RAB3C: variants seen among roughly 807,000 people sequenced by gnomAD.
RAB3C encodes the protein RAB3C, member RAS oncogene family.
A neutral mutation model predicts 26.4 loss-of-function variants in RAB3C; 17 were observed. The ratio of observed to expected loss-of-function variants is 0.64; its 90% CI spans 0.44 to 0.97. RAB3C has a LOEUF of 0.97. Among genes scored for constraint, RAB3C ranks in the 50% least tolerant of loss-of-function variants. The probability of loss-of-function intolerance (pLI) is 0.00; values close to 1 mark genes in which losing one functional copy is unlikely to be tolerated. For synonymous variants in RAB3C, 91 were observed against 95.9 expected (o/e 0.95, Z 0.30); for missense variants, 242 against 281.9 (o/e 0.86, Z 1.01).
intron 1 of RAB3C, among the ~76,000 whole-genome samples, chr5:58,617,295 TAA>T (rs1009546648): frequency 1.3e-5 from 2 of 152,174 alleles, no homozygotes; most frequent in African/African-American, 4.8e-5. Context: ...AGTAGGATTA[TAA>T]AGTTTCAGAG....
At chr5:58,653,994 T>G (rs1579839927) in intron 2 of RAB3C, among the ~76,000 whole-genome samples, 2 of 152,332 alleles carry the variant, frequency 1.3e-5, no homozygotes, top group East Asian at 3.9e-4. Flanking sequence ...ACCCCAGAAC[T>G]GAATCCCAAA....
intron 2 of RAB3C, among the ~76,000 whole-genome samples, chr5:58,642,222 G>A (rs1747426947): frequency 6.6e-6 from 1 of 152,216 alleles, no homozygotes; most frequent in Non-Finnish European, 1.5e-5. Context: ...AGAACCAAGT[G>A]AGACTTAAGC....
At chr5:58,736,893 G>A (rs376735988) in intron 3 of RAB3C, among the ~76,000 whole-genome samples, 86 of 152,174 alleles carry the variant, frequency 5.7e-4, no homozygotes, top group African/African-American at 1.8e-3. Flanking sequence ...GTCTTCCTGC[G>A]TTTACTACTG....
chr5:58,677,051 G>C (rs550660132), intron 2 of RAB3C, among the ~76,000 whole-genome samples: 2 of 152,224 alleles, frequency 1.3e-5, no homozygotes, highest in Non-Finnish European at 1.5e-5. Flanking sequence ...AAGCCTCTAG[G>C]GAAGGATCTC....
In RAB3C at chr5:58,681,567, T is replaced by C. The variant is rs566013219; in HGVS notation, c.253-44435T>C. On this transcript the variant is annotated intron_variant, in intron 2 of 4. Transcript: ENST00000282878. ...TTTTTACTTTTGCTGTTCTGTTACCTGCAGGAATAAGTTTATAGTTGTAAG... is the reference window on the plus strand; with the variant it reads ...TTTTTACTTTTGCTGTTCTGTTACCCGCAGGAATAAGTTTATAGTTGTAAG... 9.2e-5 allele frequency among the ~76,000 whole-genome samples: 14 copies of C among 152,344 alleles called. No homozygotes were observed. The South Asian group carries it at 2.9e-3, about 32-fold the overall frequency.
chr5:58,641,245 G>A (rs1056392887), intron 2 of RAB3C, among the ~76,000 whole-genome samples: 1 of 152,192 alleles, frequency 6.6e-6, no homozygotes, highest in African/African-American at 2.4e-5. Context: ...TAGAGTCTCT[G>A]TAAATGTGGT....
At chr5:58,835,542 C>T (rs1473010061) in intron 4 of RAB3C, among the ~76,000 whole-genome samples, 1 of 152,180 alleles carries the variant, frequency 6.6e-6, no homozygotes, top group South Asian at 2.1e-4. Context: ...AATTGTCTAG[C>T]CCTCATTTTT....
In RAB3C at chr5:58,657,387, GAA is replaced by G. The variant is rs34972833; in HGVS notation, c.252+39528_252+39529del. 1.2e-3 allele frequency among the ~76,000 whole-genome samples: 177 copies of G among 142,436 alleles called. 1 individual carries two copies. Among genetic ancestry groups the G allele is most frequent in the African/African-American group, 4.1e-3 (157 of 38,218 alleles). The allele number at this position is 142,436 out of a possible 152,430, so 93.4% of individuals were successfully genotyped here. On this transcript the variant is annotated intron_variant, in intron 2 of 4. Coordinates refer to ENST00000282878, the MANE Select transcript of RAB3C (RefSeq NM_138453.4). Reference sequence around the variant, plus strand: ...ACCACCTATACTCCAATAATTTATAGAAAAAAAAAAAAGGAAAGAGTATTCGG... The same window carrying G: ...ACCACCTATACTCCAATAATTTATAGAAAAAAAAAAGGAAAGAGTATTCGG...
intron 3 of RAB3C, among the ~76,000 whole-genome samples, chr5:58,811,762 T>G (rs112101000): frequency 1.3e-5 from 2 of 151,914 alleles, no homozygotes; most frequent in African/African-American, 4.8e-5. Flanking sequence ...GAAGCACTGA[T>G]ACAGGCCCCA....
At chr5:58,708,901 C>T (rs957962612) in intron 2 of RAB3C, among the ~76,000 whole-genome samples, 1 of 152,154 alleles carries the variant, frequency 6.6e-6, no homozygotes, top group African/African-American at 2.4e-5. Flanking sequence ...GGTTTTATTT[C>T]TCCAACAATA....
chr5:58,722,691 C>A (rs543198380), intron 2 of RAB3C, among the ~76,000 whole-genome samples: 220 of 151,864 alleles, frequency 1.4e-3, no homozygotes, highest in African/African-American at 5.1e-3. Context: ...TACCTTTCTT[C>A]TTTGTTTCAC....
chr5:58,803,667 C>G (rs1418320274), intron 3 of RAB3C, among the ~76,000 whole-genome samples: 3 of 152,106 alleles, frequency 2.0e-5, no homozygotes, highest in African/African-American at 7.2e-5. Flanking sequence ...TTGAAAAGGA[C>G]CAATCCTTGA....
intron 3 of RAB3C, among the ~76,000 whole-genome samples, chr5:58,729,966 A>G (rs1579884116): frequency 6.9e-6 from 1 of 144,442 alleles, no homozygotes; most frequent in African/African-American, 2.7e-5. Flanking sequence ...TATTTTGAAT[A>G]GATGATCTAA....
At chr5:58,788,441 AC>A (rs1383824837) in intron 3 of RAB3C, 1 of 152,166 alleles carries the variant, frequency 6.6e-6, no homozygotes, top group Non-Finnish European at 1.5e-5. Context: ...TTATTTTGAG[AC>A]TTTTTTATGT....
At chr5:58,640,292 A>G (rs1190790559) in intron 2 of RAB3C, among the ~76,000 whole-genome samples, 1 of 152,158 alleles carries the variant, frequency 6.6e-6, no homozygotes, top group Non-Finnish European at 1.5e-5. Flanking sequence ...CATGACCTAT[A>G]TCTCTGCCAG....
intron 3 of RAB3C, among the ~76,000 whole-genome samples, chr5:58,822,042 T>C (rs112502592): frequency 8.3e-4 from 126 of 152,298 alleles, no homozygotes; most frequent in African/African-American, 2.9e-3. Context: ...AACATTTCAA[T>C]ATTTCTCTCC....
upstream of RAB3C, chr5:58,582,344 C>T (rs979342270): frequency 4.1e-6 from 4 of 968,918 alleles, no homozygotes; most frequent in African/African-American, 7.0e-5. Flanking sequence ...TACGTAGAGC[C>T]CTAACCTCCT....
At chr5:58,726,153 A>G (rs1350841879) in intron 3 of RAB3C, 33 bp downstream of exon 3, 13 of 1,098,068 alleles carry the variant, frequency 1.2e-5, no homozygotes, top group Non-Finnish European at 1.8e-5. Flanking sequence ...ATTACTGATA[A>G]TGATGGTTCT....
chr5:58,810,446 T>C (rs770413815), intron 3 of RAB3C, among the ~76,000 whole-genome samples: 7 of 152,014 alleles, frequency 4.6e-5, no homozygotes, highest in Non-Finnish European at 7.4e-5. Context: ...TTTTGTTTTG[T>C]TTTGAGATAT....
Sources: gnomAD v4.1 joint callset for allele counts (sites outside exome capture counted in the v4.1 genomes callset) on GRCh38, gnomAD v4.1.1 for gene constraint, MANE v1.5 for transcripts, NCBI Gene and HGNC (gene_info 2026-07-23, HGNC 2026-07-21) for gene names.